Variants in EXOC6B observed in about 807,000 individuals in gnomAD.
The protein encoded by EXOC6B is exocyst complex component 6B, also known as SEC15 homolog B.
A neutral mutation model predicts 113.5 loss-of-function variants in EXOC6B; 54 were observed. The observed-to-expected ratio is 0.48, with a 90% CI of 0.38 to 0.60. EXOC6B has a LOEUF of 0.60. Among genes scored for constraint, EXOC6B ranks in the 20% least tolerant of loss-of-function variants. EXOC6B has a pLI of 0.00. For missense variants in EXOC6B, 797 were observed against 977.5 expected, an observed-to-expected ratio of 0.82 and a Z score of 2.46; for synonymous variants, 357 against 339.0, an observed-to-expected ratio of 1.05 and a Z score of -0.58.
intron 6 of EXOC6B, among the ~76,000 whole-genome samples, chr2:72,694,012 A>G (rs932396813): frequency 1.2e-4 from 18 of 152,338 alleles, no homozygotes; most frequent in African/African-American, 2.6e-4. Context: ...AATGTTGTCT[A>G]CATTGCTTTT....
intron 6 of EXOC6B, among the ~76,000 whole-genome samples, chr2:72,579,979 A>AT (rs1360730486): frequency 6.6e-6 from 1 of 150,542 alleles, no homozygotes; most frequent in Non-Finnish European, 1.5e-5. Flanking sequence ...CTATATATAT[A>AT]AAAAAAAATT....
At chr2:72,401,578 TATAC>T (rs1367262635) in intron 18 of EXOC6B, among the ~76,000 whole-genome samples, 20 of 24,192 alleles carry the variant, frequency 8.3e-4, no homozygotes, top group Admixed American at 1.9e-3. Context: ...TATATATATA[TATAC>T]ATATATATAT....
intron 19 of EXOC6B, among the ~76,000 whole-genome samples, chr2:72,358,915 C>G (rs1690128210): frequency 1.3e-5 from 2 of 152,148 alleles, no homozygotes; most frequent in African/African-American, 4.8e-5. Flanking sequence ...ATCTTCAGAG[C>G]TAACCAAACA....
intron 18 of EXOC6B, among the ~76,000 whole-genome samples, chr2:72,433,621 C>T (rs1318705147): frequency 6.6e-6 from 1 of 152,170 alleles, no homozygotes; most frequent in Non-Finnish European, 1.5e-5. Context: ...AGGTCCTTCA[C>T]ATCCCTTGTA....
intron 20 of EXOC6B, among the ~76,000 whole-genome samples, chr2:72,203,789 C>T (rs1325577216): frequency 6.6e-6 from 1 of 152,152 alleles, no homozygotes; most frequent in Non-Finnish European, 1.5e-5. Context: ...TCTGTACTGG[C>T]CCAGAGGCTC....
At chr2:72,392,621 C>T (rs1002603579) in intron 18 of EXOC6B, among the ~76,000 whole-genome samples, 1 of 152,206 alleles carries the variant, frequency 6.6e-6, no homozygotes, top group Admixed American at 6.5e-5. Flanking sequence ...TCTCCACTTA[C>T]TAGCACCTTA....
At chr2:72,320,547 A>G (rs1687790146) in intron 20 of EXOC6B, among the ~76,000 whole-genome samples, 1 of 152,208 alleles carries the variant, frequency 6.6e-6, no homozygotes, top group Non-Finnish European at 1.5e-5. Flanking sequence ...CCTTGGCCAT[A>G]CTTCATATCA....
intron 8 of EXOC6B, among the ~76,000 whole-genome samples, chr2:72,531,230 C>G (rs1006435525): frequency 2.6e-5 from 4 of 151,964 alleles, no homozygotes; most frequent in African/African-American, 9.7e-5. Flanking sequence ...TCAAGTGTAT[C>G]TATTTATACA....
Position 72,731,258 on chromosome 2 carries a change from GAA to G in EXOC6B, c.328-15_328-14del, listed in dbSNP as rs1558956746. 1 of 1,592,814 alleles carries G rather than the reference GAA, an allele frequency of 6.3e-7. No individual in the cohort carries two copies. The highest frequency in any genetic ancestry group is 1.1e-5 in the South Asian group (1 of 90,114). ...TTGCTATTACCAGCTTGGCAAGAGG[GAA>G]AAAGACTGAATTATGCCTATGGCTG... On this transcript the variant is annotated splice_polypyrimidine_tract_variant and intron_variant, in intron 3 of 21. Transcript: ENST00000272427.
At chr2:72,582,310 C>G (rs1427426400) in intron 6 of EXOC6B, among the ~76,000 whole-genome samples, 1 of 151,856 alleles carries the variant, frequency 6.6e-6, no homozygotes, top group African/African-American at 2.4e-5. Context: ...TCAGGAGTTC[C>G]AGACCAGCCT....
In EXOC6B at chr2:72,385,021, G is replaced by A. The variant is rs79839286; in HGVS notation, c.1981-5151C>T. The stretch of plus-strand genomic sequence containing the variant: ...AATAGAATAAATAATGCTAAAGTTC[G>A]TATGGAACCACAAAAGACCCCAAAT... On this transcript the variant is annotated intron_variant, in intron 18 of 21. Transcript: ENST00000272427. 2.5e-3 allele frequency among the ~76,000 whole-genome samples: 381 copies of A among 152,016 alleles called. 1 individual carries two copies. Among genetic ancestry groups the A allele is most frequent in the African/African-American group, 8.7e-3 (362 of 41,508 alleles).
chr2:72,377,127 A>G (rs1691410413), intron 19 of EXOC6B, among the ~76,000 whole-genome samples: 1 of 152,202 alleles, frequency 6.6e-6, no homozygotes, highest in Non-Finnish European at 1.5e-5. Flanking sequence ...TATCAGGGAA[A>G]GGCAAATTAA....
At chr2:72,214,553 T>C (rs1375752186) in intron 20 of EXOC6B, among the ~76,000 whole-genome samples, 2 of 152,000 alleles carry the variant, frequency 1.3e-5, no homozygotes, top group Non-Finnish European at 2.9e-5. Flanking sequence ...CCCTTTTCAG[T>C]GCCTCTTTTG....
chr2:72,316,334 A>G (rs1177618727), intron 20 of EXOC6B, among the ~76,000 whole-genome samples: 1 of 152,180 alleles, frequency 6.6e-6, no homozygotes, highest in East Asian at 1.9e-4. Flanking sequence ...ATCTAGCTGC[A>G]TGGAGCACTT....
intron 21 of EXOC6B, among the ~76,000 whole-genome samples, chr2:72,183,757 G>A (rs1008353989): frequency 1.3e-5 from 2 of 150,234 alleles, no homozygotes; most frequent in Non-Finnish European, 1.5e-5. Flanking sequence ...GCCCCAAACC[G>A]AGCCATTTTT....
At chr2:72,457,834 T>G (rs1311045683) in intron 18 of EXOC6B, among the ~76,000 whole-genome samples, 1 of 152,030 alleles carries the variant, frequency 6.6e-6, no homozygotes, top group East Asian at 1.9e-4. Flanking sequence ...GCTGCCTAAG[T>G]CACAAAAACT....
At chr2:72,717,310 T>C (rs1351213213) in intron 6 of EXOC6B, among the ~76,000 whole-genome samples, 1 of 152,164 alleles carries the variant, frequency 6.6e-6, no homozygotes, top group East Asian at 1.9e-4. Flanking sequence ...CCTCACAGAA[T>C]GATAAAAACT....
chr2:72,735,957 G>GT (rs1336001189), intron 2 of EXOC6B, among the ~76,000 whole-genome samples: 4 of 151,776 alleles, frequency 2.6e-5, no homozygotes, highest in Non-Finnish European at 4.4e-5. Flanking sequence ...GGCTGAGGCA[G>GT]CAGATCATTT....
intron 19 of EXOC6B, among the ~76,000 whole-genome samples, chr2:72,355,009 A>G (rs1245947820): frequency 1.3e-5 from 2 of 152,250 alleles, no homozygotes; most frequent in Non-Finnish European, 2.9e-5. Context: ...ATAAATTCCC[A>G]AAGAAGCTTT....
Sources: gnomAD v4.1 joint callset for allele counts (sites outside exome capture counted in the v4.1 genomes callset) on GRCh38, gnomAD v4.1.1 for gene constraint, MANE v1.5 for transcripts, NCBI Gene and HGNC (gene_info 2026-07-23, HGNC 2026-07-21) for gene names.